RALYL: variants seen among roughly 807,000 people sequenced by gnomAD.
RALYL encodes RNA-binding Raly-like protein.
In RALYL, 29 loss-of-function variants were observed where a neutral mutation model predicts 35.1. The ratio of observed to expected loss-of-function variants is 0.83; its 90% confidence interval spans 0.61 to 1.13. The LOEUF (loss-of-function observed/expected upper bound fraction) is 1.13, where lower values mean the gene tolerates loss of function less well. RALYL is among the 50% of genes most tolerant of loss of function. The pLI, the probability that RALYL is intolerant of heterozygous loss-of-function variation, is 0.00. For missense variants in RALYL, 359 were observed against 360.4 expected (o/e 1.00, Z 0.03); for synonymous variants, 120 against 127.6 (o/e 0.94, Z 0.40).
At chr8:84,443,789 C>A (rs1391056300) in intron 1 of RALYL, among the ~76,000 whole-genome samples, 1 of 152,108 alleles carries the variant, frequency 6.6e-6, no homozygotes, top group Non-Finnish European at 1.5e-5. Context: ...TTTTCCACTT[C>A]TGACGTAGGC....
chr8:84,839,279 G>A (rs141443477), intron 4 of RALYL, among the ~76,000 whole-genome samples: 1,846 of 152,328 alleles, frequency 0.012, 10 homozygotes, highest in Middle Eastern at 0.041. Flanking sequence ...CTAATACTGC[G>A]CTTTTCCAAT....
At chr8:84,207,415 G>A (rs1324634219) in intron 1 of RALYL, among the ~76,000 whole-genome samples, 1 of 152,030 alleles carries the variant, frequency 6.6e-6, no homozygotes, top group African/African-American at 2.4e-5. Flanking sequence ...TGGCATGTGA[G>A]ACACCATGGA....
chr8:84,772,619 A>G (rs911183036), intron 2 of RALYL, among the ~76,000 whole-genome samples: 19 of 152,174 alleles, frequency 1.2e-4, no homozygotes, highest in African/African-American at 4.6e-4. Context: ...TTTAGACTGT[A>G]TTTTATACAT....
intron 2 of RALYL, among the ~76,000 whole-genome samples, chr8:84,627,329 TC>T (rs60522979): frequency 0.19 from 28,795 of 149,596 alleles, 2,997 homozygotes; most frequent in Non-Finnish European, 0.23. Flanking sequence ...GTACCTGAAA[TC>T]CCTATCCCAG....
chr8:84,891,683 G>T (rs1027258462), intron 8 of RALYL, among the ~76,000 whole-genome samples: 2 of 152,096 alleles, frequency 1.3e-5, no homozygotes, highest in African/African-American at 4.8e-5. Flanking sequence ...ATGAGGAAGG[G>T]TTTAACACTC....
chr8:84,375,149 C>A (rs1415168666), intron 1 of RALYL, among the ~76,000 whole-genome samples: 3 of 151,848 alleles, frequency 2.0e-5, no homozygotes, highest in Admixed American at 6.6e-5. Context: ...GCAGCCATCA[C>A]CTCAAGCATT....
intron 2 of RALYL, among the ~76,000 whole-genome samples, chr8:84,710,954 G>T (rs183363410): frequency 2.1e-4 from 32 of 152,270 alleles, no homozygotes; most frequent in African/African-American, 7.7e-4. Flanking sequence ...AATAAAGCAA[G>T]TAAGGGAGAA....
chr8:84,373,596 T>C (rs1462920384), intron 1 of RALYL, among the ~76,000 whole-genome samples: 3 of 152,040 alleles, frequency 2.0e-5, no homozygotes, highest in Non-Finnish European at 4.4e-5. Flanking sequence ...TTTGTACAAA[T>C]ACTATGCTGC....
At chr8:84,543,070 A>G (rs2060122359) in intron 2 of RALYL, among the ~76,000 whole-genome samples, 1 of 152,112 alleles carries the variant, frequency 6.6e-6, no homozygotes, top group African/African-American at 2.4e-5. Flanking sequence ...GGTATCATTT[A>G]ACTTGCTTCT....
At chr8:84,371,411 C>T (rs57179901) in intron 1 of RALYL, among the ~76,000 whole-genome samples, 2 of 151,970 alleles carry the variant, frequency 1.3e-5, no homozygotes, top group African/African-American at 4.8e-5. Context: ...CTACTTGGAA[C>T]TTACTTCCTC....
intron 1 of RALYL, among the ~76,000 whole-genome samples, chr8:84,187,144 A>G (rs1052484983): frequency 2.0e-5 from 3 of 152,152 alleles, no homozygotes; most frequent in African/African-American, 7.2e-5. Flanking sequence ...TTGGATCACT[A>G]TCTGACCTCA....
At chr8:84,760,620 A>G (rs550230733) in intron 2 of RALYL, among the ~76,000 whole-genome samples, 1 of 152,222 alleles carries the variant, frequency 6.6e-6, no homozygotes, top group East Asian at 1.9e-4. Flanking sequence ...TTTACATTTT[A>G]TTAGAAATTA....
chr8:84,279,590 G>A (rs76195947), intron 1 of RALYL, among the ~76,000 whole-genome samples: 3,655 of 152,136 alleles, frequency 0.024, 90 homozygotes, highest in Non-Finnish European at 0.03. Context: ...TACATTTCTG[G>A]AGTCCAGAAG....
chr8:84,342,885 T>G (rs2130918345), intron 1 of RALYL, among the ~76,000 whole-genome samples: 1 of 152,180 alleles, frequency 6.6e-6, no homozygotes, highest in Middle Eastern at 3.4e-3. Flanking sequence ...GGCCTCTAGC[T>G]TTTCCTACTG....
intron 8 of RALYL, among the ~76,000 whole-genome samples, chr8:84,912,338 T>C (rs1252289450): frequency 6.6e-6 from 1 of 152,046 alleles, no homozygotes; most frequent in Non-Finnish European, 1.5e-5. Flanking sequence ...AGCTCTGTGC[T>C]AGGAACCAGA....
chr8:84,681,228 G>C (rs548551612), intron 2 of RALYL, among the ~76,000 whole-genome samples: 3 of 152,284 alleles, frequency 2.0e-5, no homozygotes, highest in Non-Finnish European at 4.4e-5. Context: ...TTTGGTACCA[G>C]TACCATGGTG....
chr8:84,543,682 T>C (rs1044467222), intron 2 of RALYL, among the ~76,000 whole-genome samples: 26 of 152,020 alleles, frequency 1.7e-4, no homozygotes, highest in African/African-American at 5.6e-4. Flanking sequence ...TGACACCATA[T>C]TTATGTTGGT....
At chr8:84,857,879 T>C (rs769718678) in intron 5 of RALYL, among the ~76,000 whole-genome samples, 5 of 152,180 alleles carry the variant, frequency 3.3e-5, no homozygotes, top group Non-Finnish European at 7.4e-5. Flanking sequence ...AAATGTTACT[T>C]TATTATTGCT....
At chr8:84,298,152 T>C (rs940867249) in intron 1 of RALYL, among the ~76,000 whole-genome samples, 1 of 151,862 alleles carries the variant, frequency 6.6e-6, no homozygotes, top group Non-Finnish European at 1.5e-5. Flanking sequence ...TCTTCTGGGG[T>C]TTGTATAGTT....
Sources: allele counts gnomAD v4.1 joint callset (sites outside exome capture counted in the v4.1 genomes callset), GRCh38; gene constraint gnomAD v4.1.1; transcripts MANE v1.5; gene names NCBI Gene and HGNC (gene_info 2026-07-23, HGNC 2026-07-21).